The following PRPSAP1 variants were observed in gnomAD, a reference collection of about 807,000 sequenced individuals.
The protein encoded by PRPSAP1 is phosphoribosyl pyrophosphate synthetase associated protein 1, also known as phosphoribosyl pyrophosphate synthase-associated protein 1.
In PRPSAP1, 31 loss-of-function variants were observed where a neutral mutation model predicts 39.4. That is an observed-to-expected ratio of 0.79 (90% CI 0.59 to 1.06). The LOEUF (loss-of-function observed/expected upper bound fraction) is 1.06, where lower values mean the gene tolerates loss of function less well. Ranked by LOEUF, PRPSAP1 falls within the 50% of genes least tolerant of loss-of-function variation. The pLI, the probability that PRPSAP1 is intolerant of heterozygous loss-of-function variation, is 0.00. For missense variants in PRPSAP1, 430 were observed against 511.6 expected, an observed-to-expected ratio of 0.84 and a Z score of 1.54; for synonymous variants, 212 against 192.6, an observed-to-expected ratio of 1.10 and a Z score of -0.83.
At chr17:76,313,995 G>A in intron 7 of PRPSAP1, 104 bp from the exon 8 acceptor site, 1 of 1,209,080 alleles carries the variant, frequency 8.3e-7, no homozygotes. Flanking sequence ...CCACTATACA[G>A]ACAAAAAACA....
intron 8 of PRPSAP1, 55 bp from the exon 9 acceptor site, chr17:76,313,071 G>A (rs950621113): frequency 6.5e-5 from 102 of 1,568,900 alleles, no homozygotes; most frequent in Non-Finnish European, 8.7e-5. Flanking sequence ...AGCCCATACT[G>A]TCAATGCACA....
In PRPSAP1 at chr17:76,320,353, A is replaced by AAGAAAGAT. The variant is rs1555592800; in HGVS notation, c.782-6463_782-6462insATCTTTCT. Among the ~76,000 whole-genome samples, 208 of 118,614 alleles carry AAGAAAGAT rather than the reference A, an allele frequency of 1.8e-3. 5 individuals carry two copies. The South Asian group carries it at 0.02, about 11-fold the overall frequency. 77.8% of individuals were successfully genotyped at this position (118,614 alleles called of 152,430 possible). On this transcript the variant is annotated intron_variant, in intron 7 of 9. Coordinates refer to ENST00000446526, the MANE Select transcript of PRPSAP1 (RefSeq NM_002766.3). ...GGAGGGAGGGAGGGAGGAAGGAAGG[A>AAGAAAGAT]AGAAAAAGGAAGAAAGGCAGGCATA...
intron 1 of PRPSAP1, among the ~76,000 whole-genome samples, chr17:76,351,612 G>A (rs557039945): frequency 6.6e-6 from 1 of 152,070 alleles, no homozygotes; most frequent in African/African-American, 2.4e-5. Context: ...GCTTGAACTT[G>A]GGACGTGGAG....
At chr17:76,329,563 C>T (rs2071296907) in intron 6 of PRPSAP1, among the ~76,000 whole-genome samples, 2 of 151,880 alleles carry the variant, frequency 1.3e-5, no homozygotes, top group Admixed American at 1.3e-4. Context: ...GGTGAAACCC[C>T]ATCTCTACTA....
At chr17:76,349,989 G>A (rs1031090198) in intron 1 of PRPSAP1, among the ~76,000 whole-genome samples, 2 of 151,628 alleles carry the variant, frequency 1.3e-5, no homozygotes, top group African/African-American at 4.8e-5. Flanking sequence ...GGGAGCTGAG[G>A]CACGAGAATC....
intron 3 of PRPSAP1, among the ~76,000 whole-genome samples, chr17:76,341,334 C>T (rs1466578762): frequency 1.3e-5 from 2 of 148,430 alleles, no homozygotes; most frequent in Admixed American, 1.4e-4. Context: ...ACCACCCAGG[C>T]TCAAGCAATC....
chr17:76,344,730 T>A lies in PRPSAP1; in HGVS notation c.231A>T (p.Arg77Ser). 3.8e-6 allele frequency: 6 copies of A among 1,569,150 alleles called. No homozygotes were observed. Among genetic ancestry groups the A allele is most frequent in the Non-Finnish European group, 5.2e-6 (6 of 1,150,960 alleles). The change falls in exon 3 of 10, where the codon AGA becomes AGT. Residue 77 changes from arginine (R) to serine (S), a missense_variant. Arg to Ser is a moderately radical substitution (Grantham distance 110). This residue lies in a region of PRPSAP1 where 152 missense variants were observed against 135.2 expected (regional missense o/e 1.12). Transcript: ENST00000446526. Reference sequence around the variant, plus strand: ...CACGAACAGATTCTTTTATTTCAACTCTTGTTTCTGAAAAATAAAAATGTT... The same window carrying A: ...CACGAACAGATTCTTTTATTTCAACACTTGTTTCTGAAAAATAAAAATGTT... ...VVYQETNGET[R>S]VEIKESVRGQ...
chr17:76,315,700 CTTTTT>C (rs71161279), intron 7 of PRPSAP1, among the ~76,000 whole-genome samples: 1 of 72,638 alleles, frequency 1.4e-5, no homozygotes, highest in African/African-American at 6.4e-5. Flanking sequence ...GACCTATCCG[CTTTTT>C]TTTTTTTTTT....
chr17:76,350,434 G>A (rs368596747), intron 1 of PRPSAP1, among the ~76,000 whole-genome samples: 4 of 150,072 alleles, frequency 2.7e-5, no homozygotes, highest in East Asian at 1.9e-4. Context: ...GTGAGATTCC[G>A]TCTCAAAAAA....
At chr17:76,333,256 G>T (rs570446883) in intron 3 of PRPSAP1, among the ~76,000 whole-genome samples, 1 of 151,990 alleles carries the variant, frequency 6.6e-6, no homozygotes, top group Non-Finnish European at 1.5e-5. Context: ...GATTATAGGC[G>T]TGCACCACCA....
At chr17:76,340,762 T>C (rs542007520) in intron 3 of PRPSAP1, among the ~76,000 whole-genome samples, 2 of 152,066 alleles carry the variant, frequency 1.3e-5, no homozygotes, top group East Asian at 3.9e-4. Context: ...TAGTGGCACA[T>C]GCCTGTAGTC....
At chr17:76,328,635 A>T in intron 7 of PRPSAP1, 82 bp downstream of exon 7, 1 of 1,492,456 alleles carries the variant, frequency 6.7e-7, no homozygotes, top group Non-Finnish European at 9.1e-7. Flanking sequence ...AAAACAAAAC[A>T]ACAACAACAA....
chr17:76,344,836 A>C, intron 2 of PRPSAP1, 99 bp from the exon 3 acceptor site: 1 of 807,896 alleles, frequency 1.2e-6, no homozygotes, highest in South Asian at 1.7e-5. Context: ...GCGGTGGCAC[A>C]TGCCTGTAAT....
At chr17:76,324,468 T>A (rs1359245143) in intron 7 of PRPSAP1, among the ~76,000 whole-genome samples, 3 of 151,424 alleles carry the variant, frequency 2.0e-5, no homozygotes, top group Non-Finnish European at 2.9e-5. Flanking sequence ...GGTGTGGTGA[T>A]GCATACCTAT....
intron 7 of PRPSAP1, among the ~76,000 whole-genome samples, chr17:76,326,045 G>A (rs346794): frequency 0.3 from 45,159 of 152,060 alleles, 7,671 homozygotes; most frequent in African/African-American, 0.46. Flanking sequence ...AAAAATTCAT[G>A]AGACTCACTT....
chr17:76,331,040 C>T lies in PRPSAP1; in HGVS notation c.464-374G>A, dbSNP rs148674246. ...TAAAAGAAAGGATAAAGAACTGTAG[C>T]GAAGGCAAAAAGTAGCAAGAACACA... is the stretch of plus-strand genomic sequence containing the variant. On this transcript the variant is annotated intron_variant, in intron 4 of 9. Transcript: ENST00000446526. Among the ~76,000 whole-genome samples, 652 of 152,082 alleles carry T rather than the reference C, an allele frequency of 4.3e-3. 1 individual carries two copies. Among genetic ancestry groups the T allele is most frequent in the African/African-American group, 0.015 (627 of 41,490 alleles).
intron 7 of PRPSAP1, among the ~76,000 whole-genome samples, chr17:76,316,174 TAA>T (rs1377721818): frequency 6.8e-5 from 5 of 73,512 alleles, no homozygotes; most frequent in Non-Finnish European, 2.9e-5. Context: ...AGACTCCGTC[TAA>T]AAAAAAAAAA....
At chr17:76,353,013 C>G (rs1030911497) in intron 1 of PRPSAP1, 1 of 153,278 alleles carries the variant, frequency 6.5e-6, no homozygotes, top group Non-Finnish European at 1.5e-5. Context: ...CAGCTCCGGC[C>G]CATCTGCCTC....
chr17:76,341,021 G>A (rs1412839734), intron 3 of PRPSAP1, among the ~76,000 whole-genome samples: 1 of 151,944 alleles, frequency 6.6e-6, no homozygotes, highest in African/African-American at 2.4e-5. Context: ...CCGTGAGAAG[G>A]TTATAACGTC....
Sources: gnomAD v4.1 joint callset for allele counts (sites outside exome capture counted in the v4.1 genomes callset) on GRCh38, gnomAD v4.1.1 for gene constraint, gnomAD v4.1.1 regional missense constraint, MANE v1.5 for transcripts, NCBI Gene and HGNC (gene_info 2026-07-23, HGNC 2026-07-21) for gene names.